Variants in TRIM67 observed in about 807,000 individuals in gnomAD.
The protein encoded by TRIM67 is tripartite motif-containing protein 67.
Under a neutral mutation model 71.0 loss-of-function variants are expected in TRIM67, and 39 were observed. That is an observed-to-expected ratio of 0.55 (90% CI 0.43 to 0.72). TRIM67 has a LOEUF of 0.72. TRIM67 is among the 30% of genes least tolerant of loss of function. The pLI is 0.00. For missense variants in TRIM67, 973 were observed against 1,079.2 expected (o/e 0.90, Z 1.38); for synonymous variants, 481 against 473.9 (o/e 1.01, Z -0.19).
intron 8 of TRIM67, among the ~76,000 whole-genome samples, chr1:231,211,167 G>A (rs958394830): frequency 2.0e-5 from 3 of 151,952 alleles, no homozygotes; most frequent in Non-Finnish European, 4.4e-5. Flanking sequence ...CCCCAGCCTT[G>A]GTTTGTGTGG....
intron 1 of TRIM67, among the ~76,000 whole-genome samples, chr1:231,166,733 CA>C (rs1390097999): frequency 6.6e-6 from 1 of 152,184 alleles, no homozygotes; most frequent in Non-Finnish European, 1.5e-5. Flanking sequence ...AGTAAAGAGA[CA>C]TATATGTGAC....
intron 1 of TRIM67, among the ~76,000 whole-genome samples, chr1:231,173,247 T>TA (rs895936859): frequency 2.0e-5 from 3 of 152,104 alleles, no homozygotes; most frequent in Admixed American, 6.5e-5. Flanking sequence ...AACAATGTGA[T>TA]AAAAAATACT....
rs1275438158 is a variant in TRIM67 at position 231,199,181 on chromosome 1, G to C, written c.1263+12G>C. ...AACACAAGTTGAAGGTAGGTACCTG[G>C]GGGACTGACACATTGAATCCCTGCC... On this transcript the variant is annotated intron_variant, in intron 3 of 9. Transcript: ENST00000366653. 6.2e-7 allele frequency: 1 copy of C among 1,613,684 alleles called. No homozygotes were observed. The highest frequency in any genetic ancestry group is 1.3e-5 in the African/African-American group (1 of 75,014).
chr1:231,217,964 C>T lies in TRIM67; in HGVS notation c.*2524C>T, dbSNP rs111420919. ...CCCTGAGCTTGGGGGCTGGGATTCT[C>T]CCTTTTCTGACTCCTCCAGGAGCCC... On this transcript the variant is annotated 3_prime_UTR_variant, in exon 10 of 10. Transcript: ENST00000366653. 6.7e-3 allele frequency: 8,389 copies of T among 1,250,012 alleles called. 32 individuals carry two copies. Among genetic ancestry groups the T allele is most frequent in the Non-Finnish European group, 7.8e-3 (7,552 of 970,864 alleles). 77.4% of individuals were successfully genotyped at this position (1,250,012 alleles called of 1,614,324 possible).
Position 231,163,138 on chromosome 1 carries a change from C to T in TRIM67, c.169C>T (p.Leu57=), listed in dbSNP as rs906203587. The T allele has an allele frequency of 2.6e-6, 4 of 1,540,898 alleles. No individual in the cohort carries two copies. The highest frequency in any genetic ancestry group is 1.7e-6 in the Non-Finnish European group (2 of 1,144,344). ...QPLLLSRGSG[L]QAGAAAAASL... is the part of the protein sequence containing the mutation. ...GCTCCTGCTTTCCCGGGGATCGGGG[C>T]TGCAGGCGGGCGCCGCCGCCGCTGC... Residue 57 remains leucine (L), a synonymous_variant, in exon 1 of 10, where the codon CTG becomes TTG. Transcript: ENST00000366653.
chr1:231,186,944 G>A (rs557279218), intron 1 of TRIM67, among the ~76,000 whole-genome samples: 1 of 152,294 alleles, frequency 6.6e-6, no homozygotes, highest in South Asian at 2.1e-4. Context: ...GCTAGAGGAA[G>A]GGGACTGCTT....
In TRIM67 at chr1:231,216,226, A is replaced by G. The variant is rs1571908466; in HGVS notation, c.*786A>G. The G allele has an allele frequency of 1.1e-6, 1 of 948,808 alleles. No individual in the cohort carries two copies. The highest frequency in any genetic ancestry group is 1.2e-6 in the Non-Finnish European group (1 of 805,062). 58.8% of individuals were successfully genotyped at this position (948,808 alleles called of 1,614,324 possible). The stretch of plus-strand genomic sequence containing the variant: ...TTTCTTCCTTTCCTCCTTCTCTCTT[A>G]CTTTCCTCCATCCCTGCCTCTTTCT... On this transcript the variant is annotated 3_prime_UTR_variant, in exon 10 of 10. Coordinates refer to ENST00000366653, the MANE Select transcript of TRIM67 (RefSeq NM_001004342.5).
At position 231,162,851 on chromosome 1, in the gene TRIM67, C is replaced by T. The variant is rs530648579; in HGVS notation, c.-119C>T. 3.1e-4 allele frequency: 412 copies of T among 1,348,924 alleles called. No homozygotes were observed. Among genetic ancestry groups the T allele is most frequent in the African/African-American group, 2.0e-3 (139 of 68,534 alleles). 83.6% of individuals were successfully genotyped at this position (1,348,924 alleles called of 1,614,324 possible). On this transcript the variant is annotated 5_prime_UTR_variant, in exon 1 of 10. Transcript: ENST00000366653. Reference sequence around the variant, plus strand: ...CCCTCGGCTGTGAAGTGGGCATGCCCGTGTGATGCCCCCGCCCGTCGTCTC... The same window carrying T: ...CCCTCGGCTGTGAAGTGGGCATGCCTGTGTGATGCCCCCGCCCGTCGTCTC...
intron 1 of TRIM67, among the ~76,000 whole-genome samples, 179 bp from the exon 2 acceptor site, chr1:231,197,192 A>C (rs1683387574): frequency 6.6e-6 from 1 of 152,200 alleles, no homozygotes. Context: ...CCACTGTTGG[A>C]AAAATAAACA....
intron 1 of TRIM67, among the ~76,000 whole-genome samples, chr1:231,189,249 A>G (rs978778542): frequency 6.6e-6 from 1 of 152,198 alleles, no homozygotes; most frequent in African/African-American, 2.4e-5. Flanking sequence ...GATAAATTTA[A>G]TTGCCAGTCA....
chr1:231,214,962 C>A (rs1683975389), intron 9 of TRIM67, among the ~76,000 whole-genome samples: 1 of 151,744 alleles, frequency 6.6e-6, no homozygotes, highest in African/African-American at 2.4e-5. Flanking sequence ...TTTTTTTAAT[C>A]CAAAAAATAA....
intron 1 of TRIM67, among the ~76,000 whole-genome samples, chr1:231,170,143 T>A (rs1404032703): frequency 3.3e-5 from 5 of 152,056 alleles, no homozygotes; most frequent in African/African-American, 1.2e-4. Flanking sequence ...TGTACCACCA[T>A]GCCCAGCTAA....
At chr1:231,212,444 G>A (rs1683901193) in intron 8 of TRIM67, among the ~76,000 whole-genome samples, 1 of 152,202 alleles carries the variant, frequency 6.6e-6, no homozygotes, top group African/African-American at 2.4e-5. Context: ...TAGGTGAGGA[G>A]CCTTTAGTGT....
intron 7 of TRIM67, among the ~76,000 whole-genome samples, 180 bp downstream of exon 7, chr1:231,206,970 T>C (rs1683720295): frequency 6.6e-6 from 1 of 151,952 alleles, no homozygotes; most frequent in Non-Finnish European, 1.5e-5. Flanking sequence ...AGGACAAAGA[T>C]TGACTCCTAG....
chr1:231,215,452 C>T lies in TRIM67; in HGVS notation c.*12C>T. The T allele has an allele frequency of 1.3e-6, 2 of 1,598,514 alleles. No homozygotes were observed. Among genetic ancestry groups the T allele is most frequent in the Non-Finnish European group, 1.7e-6 (2 of 1,171,168 alleles). ...TGTCAGGCAATTAGCCCCGCTCCAG[C>T]TCGGCACTGTGCCTGTGACAGTGAC... On this transcript the variant is annotated 3_prime_UTR_variant, in exon 10 of 10. Coordinates refer to ENST00000366653, the MANE Select transcript of TRIM67 (RefSeq NM_001004342.5).
At chr1:231,198,714 A>G (rs1040914908) in intron 2 of TRIM67, among the ~76,000 whole-genome samples, 2 of 152,064 alleles carry the variant, frequency 1.3e-5, no homozygotes, top group African/African-American at 4.8e-5. Context: ...ACACATACAC[A>G]CACACACACA....
chr1:231,162,626 A>T lies in TRIM67; in HGVS notation c.-344A>T. 1 of 267,670 alleles carries T rather than the reference A, an allele frequency of 3.7e-6. No homozygotes were observed. Among genetic ancestry groups the T allele is most frequent in the Non-Finnish European group, 7.0e-6 (1 of 141,886 alleles). The allele number at this position is 267,670 out of a possible 1,614,324, so 16.6% of individuals were successfully genotyped here. On this transcript the variant is annotated 5_prime_UTR_variant, in exon 1 of 10. Coordinates refer to ENST00000366653, the MANE Select transcript of TRIM67 (RefSeq NM_001004342.5). ...GGGGTGGAGAGGAGGCGCGCGCTGC[A>T]GCCGGCGGCGGCGCTGGTGCTGATT... is the stretch of plus-strand genomic sequence containing the variant.
chr1:231,170,108 T>C (rs1682586826), intron 1 of TRIM67, among the ~76,000 whole-genome samples: 1 of 151,840 alleles, frequency 6.6e-6, no homozygotes, highest in South Asian at 2.1e-4. Flanking sequence ...TGCTTCAGCC[T>C]CCTGAGTAGC....
At position 231,209,905 on chromosome 1, in the gene TRIM67, G is replaced by T. The variant is rs1455994571; in HGVS notation, c.2123+655G>T. ...GAAACTACTGGGACCTCTGTTAGGAGGGCAGATGGGGATGGGTCCTCCAGG... is the reference window on the plus strand; with the variant it reads ...GAAACTACTGGGACCTCTGTTAGGATGGCAGATGGGGATGGGTCCTCCAGG... On this transcript the variant is annotated intron_variant, in intron 8 of 9. Transcript: ENST00000366653. This position sits in a 1 kb window ranked among gnomAD's most constrained non-coding sequence, Gnocchi z 4.1. 6.6e-6 allele frequency among the ~76,000 whole-genome samples: 1 copy of T among 152,156 alleles called. No individual in the cohort carries two copies. Among genetic ancestry groups the T allele is most frequent in the African/African-American group, 2.4e-5 (1 of 41,426 alleles).
Sources: allele counts gnomAD v4.1 joint callset (sites outside exome capture counted in the v4.1 genomes callset), GRCh38; gene constraint gnomAD v4.1.1; non-coding constraint Gnocchi (gnomAD v3.1); transcripts MANE v1.5; gene names NCBI Gene and HGNC (gene_info 2026-07-23, HGNC 2026-07-21).